Variants in LARGE1 observed in about 807,000 individuals in gnomAD.
LARGE1 encodes xylosyl- and glucuronyltransferase LARGE1.
In LARGE1, 43 loss-of-function variants were observed where a neutral mutation model predicts 87.6. That is an observed-to-expected ratio of 0.49 (90% CI 0.38 to 0.63). LARGE1 has a LOEUF of 0.63. Among genes scored for constraint, LARGE1 ranks in the 30% least tolerant of loss-of-function variants. LARGE1 has a pLI of 0.00. For synonymous variants in LARGE1, 434 were observed against 394.6 expected, an observed-to-expected ratio of 1.10 and a Z score of -1.18; for missense variants, 802 against 1,000.2, an observed-to-expected ratio of 0.80 and a Z score of 2.67.
chr22:33,397,237 T>G (rs2065779702), intron 7 of LARGE1, among the ~76,000 whole-genome samples: 1 of 152,112 alleles, frequency 6.6e-6, no homozygotes, highest in Non-Finnish European at 1.5e-5. Flanking sequence ...TACCTCAGCC[T>G]CCCGAGTAGC....
At chr22:33,734,030 C>A (rs537726274) in intron 2 of LARGE1, among the ~76,000 whole-genome samples, 1 of 152,146 alleles carries the variant, frequency 6.6e-6, no homozygotes, top group South Asian at 2.1e-4. Flanking sequence ...GGGAGGGATA[C>A]GCTTAGGGCT....
At chr22:33,879,961 A>G (rs1474302617) in intron 1 of LARGE1, among the ~76,000 whole-genome samples, 3 of 152,072 alleles carry the variant, frequency 2.0e-5, no homozygotes. Flanking sequence ...CTTTTTCCCA[A>G]CCTGCTTCAC....
intron 6 of LARGE1, among the ~76,000 whole-genome samples, chr22:33,547,458 G>A (rs148937265): frequency 2.0e-5 from 3 of 152,098 alleles, no homozygotes; most frequent in East Asian, 3.9e-4. Flanking sequence ...AGACCACACC[G>A]GTCTGGCGCC....
At chr22:33,297,270 T>C (rs1933419593) in intron 12 of LARGE1, among the ~76,000 whole-genome samples, 3 of 152,162 alleles carry the variant, frequency 2.0e-5, no homozygotes. Context: ...CTGGCATTCC[T>C]ACACAGTGTC....
At chr22:33,889,198 C>T (rs1349543709) in intron 1 of LARGE1, 1 of 152,174 alleles carries the variant, frequency 6.6e-6, no homozygotes, top group East Asian at 1.9e-4. Context: ...TTCTCAAGCC[C>T]CCTCATTCAA....
At chr22:33,076,929 C>A in the LARGE1 span, among the ~76,000 whole-genome samples, 2 of 152,212 alleles carry the variant, frequency 1.3e-5, no homozygotes, top group South Asian at 4.2e-4. Flanking sequence ...ATATTTAATG[C>A]TCAAGTGGGA....
At chr22:33,778,977 T>C (rs1044316872) in intron 1 of LARGE1, among the ~76,000 whole-genome samples, 1 of 152,168 alleles carries the variant, frequency 6.6e-6, no homozygotes, top group Non-Finnish European at 1.5e-5. Context: ...AGCTGATTAA[T>C]AGTCCATTGC....
intron 7 of LARGE1, among the ~76,000 whole-genome samples, chr22:33,385,359 T>C (rs912154146): frequency 2.1e-5 from 3 of 146,298 alleles, no homozygotes; most frequent in Admixed American, 2.0e-4. Context: ...TGAAACCCCA[T>C]CTCTACTAAA....
chr22:33,078,867 G>A, the LARGE1 span, among the ~76,000 whole-genome samples: 1 of 152,192 alleles, frequency 6.6e-6, no homozygotes, highest in Non-Finnish European at 1.5e-5. Context: ...GTCAGGGCAA[G>A]CTCCACAGAT....
At chr22:33,828,395 TGAAGTGCCACTGCAGAGTTCAGAAAA>T (rs144068941) in intron 1 of LARGE1, among the ~76,000 whole-genome samples, 11,480 of 152,238 alleles carry the variant, frequency 0.075, 552 homozygotes, top group Non-Finnish European at 0.1. Context: ...GTCAATGGCA[TGAAGTGCCACTGCAGAGTTCAGAAAA>T]GATGAGGATA....
At chr22:33,749,237 C>A (rs988535471) in intron 2 of LARGE1, among the ~76,000 whole-genome samples, 3 of 152,212 alleles carry the variant, frequency 2.0e-5, no homozygotes, top group Non-Finnish European at 2.9e-5. Context: ...GTCTCACCCT[C>A]CAGAGTAGCT....
chr22:33,142,600 C>T, the LARGE1 span, among the ~76,000 whole-genome samples: 3 of 152,112 alleles, frequency 2.0e-5, no homozygotes, highest in East Asian at 3.9e-4. Flanking sequence ...ATAAGAGTAA[C>T]CCCAAGGAAG....
the LARGE1 span, among the ~76,000 whole-genome samples, chr22:33,130,085 C>T: frequency 6.6e-6 from 1 of 151,920 alleles, no homozygotes; most frequent in Non-Finnish European, 1.5e-5. Flanking sequence ...GAGGCCAAGG[C>T]GGGCGGATCA....
At chr22:33,244,842 G>T (rs78413432) in intron 11 of LARGE1, among the ~76,000 whole-genome samples, 3,254 of 152,062 alleles carry the variant, frequency 0.021, 94 homozygotes, top group African/African-American at 0.074. Flanking sequence ...GGAGGGGGAG[G>T]GGAAGTGGAT....
the LARGE1 span, among the ~76,000 whole-genome samples, chr22:33,091,964 G>A: frequency 1.3e-5 from 2 of 152,114 alleles, no homozygotes; most frequent in African/African-American, 4.8e-5. Context: ...CAGTGGCGCA[G>A]TCTTGGCTCA....
chr22:33,827,287 G>A (rs113650997), intron 1 of LARGE1, among the ~76,000 whole-genome samples: 8,469 of 151,934 alleles, frequency 0.056, 443 homozygotes, highest in African/African-American at 0.13. Flanking sequence ...GGAGAATGGC[G>A]TGAACCCGGG....
intron 1 of LARGE1, among the ~76,000 whole-genome samples, chr22:33,809,764 T>G (rs2086433405): frequency 6.6e-6 from 1 of 152,312 alleles, no homozygotes; most frequent in African/African-American, 2.4e-5. Context: ...TTTTATAGTT[T>G]TCCATACTAA....
intron 2 of LARGE1, among the ~76,000 whole-genome samples, chr22:33,680,533 G>A (rs765560864): frequency 3.4e-4 from 52 of 152,128 alleles, no homozygotes; most frequent in African/African-American, 8.7e-4. Context: ...AATAACTACC[G>A]GCTGAGAGCA....
At chr22:33,310,459 G>A (rs1224257852) in intron 11 of LARGE1, among the ~76,000 whole-genome samples, 5 of 152,056 alleles carry the variant, frequency 3.3e-5, no homozygotes, top group Non-Finnish European at 4.4e-5. Flanking sequence ...AGGGTGCTGA[G>A]CTGCTGAAGG....
Sources: gnomAD v4.1 joint callset for allele counts (sites outside exome capture counted in the v4.1 genomes callset) on GRCh38, gnomAD v4.1.1 for gene constraint, MANE v1.5 for transcripts, NCBI Gene and HGNC (gene_info 2026-07-23, HGNC 2026-07-21) for gene names.